Variants in MAP4K3 observed in about 807,000 individuals in gnomAD.
The protein encoded by MAP4K3 is mitogen-activated protein kinase kinase kinase kinase 3.
Under a neutral mutation model 143.5 loss-of-function variants are expected in MAP4K3, and 94 were observed. The ratio of observed to expected loss-of-function variants is 0.65; its 90% confidence interval spans 0.55 to 0.78. The LOEUF is 0.78. MAP4K3 is among the 30% of genes least tolerant of loss of function. The pLI is 0.00. For synonymous variants in MAP4K3, 416 were observed against 347.2 expected, an observed-to-expected ratio of 1.20 and a Z score of -2.20; for missense variants, 1,077 against 1,068.1, an observed-to-expected ratio of 1.01 and a Z score of -0.12.
chr2:39,265,259 T>A lies in MAP4K3; in HGVS notation c.2080A>T (p.Thr694Ser). The A allele has an allele frequency of 6.2e-7, 1 of 1,613,716 alleles. No individual in the cohort carries two copies. Among genetic ancestry groups the A allele is most frequent in the Non-Finnish European group, 8.5e-7 (1 of 1,179,670 alleles). The part of the protein sequence containing the change: ...GHKYLCGALQ[T>S]SIVLLEWVEP... Reference sequence around the variant, plus strand: ...ACCCATTCTAATAGAACAATGCTAGTCTGAAGTGCTCCACATAGGTATTTA... The same window carrying A: ...ACCCATTCTAATAGAACAATGCTAGACTGAAGTGCTCCACATAGGTATTTA... Residue 694 changes from threonine to serine, a missense_variant, in exon 28 of 34, where the codon ACT becomes TCT. Thr to Ser is a moderately conservative substitution (Grantham distance 58). Transcript: ENST00000263881.
intron 1 of MAP4K3, among the ~76,000 whole-genome samples, chr2:39,392,280 G>T (rs969030376): frequency 1.3e-5 from 2 of 150,900 alleles, no homozygotes; most frequent in Middle Eastern, 3.5e-3. Context: ...TGAAGACTAA[G>T]TTTTCCAGAT....
At chr2:39,390,190 G>C (rs771638567) in intron 1 of MAP4K3, among the ~76,000 whole-genome samples, 5 of 152,104 alleles carry the variant, frequency 3.3e-5, no homozygotes, top group African/African-American at 1.2e-4. Context: ...TCAATAACTG[G>C]GGATGATAAT....
rs532361933 is a variant in MAP4K3 at position 39,318,858 on chromosome 2, A to G, written c.919-3470T>C. Among the ~76,000 whole-genome samples, 5 of 152,320 alleles carry G rather than the reference A, an allele frequency of 3.3e-5. No homozygotes were observed. The South Asian group carries it at 1.0e-3, about 32-fold the overall frequency. ...CCCTTTGCAATGGGAGCTAGATGAG[A>G]ATGTCAAGTTTGTACGGGAAGGAAA... On this transcript the variant is annotated intron_variant, in intron 12 of 33. Coordinates refer to ENST00000263881, the MANE Select transcript of MAP4K3 (RefSeq NM_003618.4).
intron 6 of MAP4K3, among the ~76,000 whole-genome samples, chr2:39,335,509 T>C (rs1329755164): frequency 1.3e-5 from 2 of 152,230 alleles, no homozygotes; most frequent in East Asian, 3.8e-4. Flanking sequence ...ATTAGTCTCA[T>C]ACATTCTCTT....
chr2:39,375,205 G>T (rs1403338500), intron 2 of MAP4K3, among the ~76,000 whole-genome samples: 1 of 152,082 alleles, frequency 6.6e-6, no homozygotes, highest in East Asian at 1.9e-4. Flanking sequence ...ACTGCAGTGA[G>T]CCACGATCCT....
At chr2:39,333,212 A>T (rs1683736379) in intron 7 of MAP4K3, among the ~76,000 whole-genome samples, 1 of 152,086 alleles carries the variant, frequency 6.6e-6, no homozygotes, top group East Asian at 1.9e-4. Context: ...TATTTGTCTT[A>T]TTTTTTGGTT....
In MAP4K3 at chr2:39,353,275, C is replaced by T. The variant is rs542663314; in HGVS notation, c.245+2974G>A. 3.3e-5 allele frequency among the ~76,000 whole-genome samples: 5 copies of T among 152,320 alleles called. No homozygotes were observed. In the East Asian group the frequency reaches 7.7e-4, roughly 23 times the overall value. On this transcript the variant is annotated intron_variant, in intron 3 of 33. Transcript: ENST00000263881. ...CAAGTCTAATCATTAGGATTCCCTA[C>T]TCCAACCTTGGCTGAGCCTGAACTT...
chr2:39,308,742 G>T (rs1009274721), intron 14 of MAP4K3, among the ~76,000 whole-genome samples: 1 of 152,048 alleles, frequency 6.6e-6, no homozygotes, highest in East Asian at 1.9e-4. Flanking sequence ...TATCTGGAAA[G>T]GAGTATATAA....
chr2:39,321,193 T>C (rs897700086), intron 12 of MAP4K3, among the ~76,000 whole-genome samples: 1 of 152,208 alleles, frequency 6.6e-6, no homozygotes, highest in Admixed American at 6.5e-5. Flanking sequence ...ATTGTTACTG[T>C]GTCTGTGTAG....
At chr2:39,421,467 T>A (rs1274030613) in intron 1 of MAP4K3, among the ~76,000 whole-genome samples, 1 of 143,334 alleles carries the variant, frequency 7.0e-6, no homozygotes, top group African/African-American at 2.6e-5. Context: ...CACATGGGCC[T>A]CCCAAAGTGC....
chr2:39,361,713 A>G (rs970903977), intron 2 of MAP4K3, among the ~76,000 whole-genome samples: 2 of 150,944 alleles, frequency 1.3e-5, no homozygotes, highest in African/African-American at 4.8e-5. Context: ...TTATTTAAAT[A>G]TTAAATATTT....
At chr2:39,294,950 C>G (rs1283534680) in intron 16 of MAP4K3, among the ~76,000 whole-genome samples, 2 of 150,720 alleles carry the variant, frequency 1.3e-5, no homozygotes, top group African/African-American at 4.9e-5. Context: ...CCAGAGACTA[C>G]AAGATGTGTG....
chr2:39,252,506 C>T (rs1273164825), intron 32 of MAP4K3, among the ~76,000 whole-genome samples: 1 of 152,176 alleles, frequency 6.6e-6, no homozygotes, highest in Non-Finnish European at 1.5e-5. Context: ...CACTTCTTCC[C>T]CATTCTCTTG....
Position 39,429,242 on chromosome 2 carries a change from A to G in MAP4K3, c.96+7650T>C, listed in dbSNP as rs532441553. Among the ~76,000 whole-genome samples, 5 of 152,256 alleles carry G rather than the reference A, an allele frequency of 3.3e-5. No homozygotes were observed. In the East Asian group the frequency reaches 5.8e-4, roughly 18 times the overall value. On this transcript the variant is annotated intron_variant, in intron 1 of 33. Transcript: ENST00000263881. The stretch of plus-strand genomic sequence containing the variant: ...GAGAAGTTTTCCACAATTATGTTTC[A>G]CTGCAATATTAGTAGGAAAAGCCAG...
intron 2 of MAP4K3, among the ~76,000 whole-genome samples, chr2:39,361,244 A>G (rs1429412509): frequency 6.6e-6 from 1 of 151,864 alleles, no homozygotes; most frequent in Non-Finnish European, 1.5e-5. Flanking sequence ...GTTTTATGTA[A>G]TAATATGATA....
At chr2:39,260,215 G>T (rs1489564763) in intron 29 of MAP4K3, among the ~76,000 whole-genome samples, 1 of 152,152 alleles carries the variant, frequency 6.6e-6, no homozygotes, top group East Asian at 1.9e-4. Flanking sequence ...CTGGGCTCAA[G>T]TAATCCTCCC....
At chr2:39,403,725 G>C (rs981328224) in intron 1 of MAP4K3, among the ~76,000 whole-genome samples, 1 of 151,762 alleles carries the variant, frequency 6.6e-6, no homozygotes, top group Non-Finnish European at 1.5e-5. Context: ...AGTGGACTTG[G>C]GGGGCATGCA....
At chr2:39,316,796 C>G (rs940647877) in intron 12 of MAP4K3, among the ~76,000 whole-genome samples, 3 of 152,040 alleles carry the variant, frequency 2.0e-5, no homozygotes. Flanking sequence ...TCTAAAATAG[C>G]TCATCTGAAC....
At chr2:39,311,933 A>C (rs773071075) in intron 13 of MAP4K3, among the ~76,000 whole-genome samples, 5 of 152,236 alleles carry the variant, frequency 3.3e-5, no homozygotes, top group Non-Finnish European at 7.3e-5. Context: ...GAATTATTTA[A>C]TCAAAAGAGA....
Sources: allele counts gnomAD v4.1 joint callset (sites outside exome capture counted in the v4.1 genomes callset), GRCh38; gene constraint gnomAD v4.1.1; transcripts MANE v1.5; gene names NCBI Gene and HGNC (gene_info 2026-07-23, HGNC 2026-07-21).